Variants in ZNF541 observed in about 807,000 individuals in gnomAD.
ZNF541 encodes zinc finger protein 541.
In ZNF541, 23 loss-of-function variants were observed where a neutral mutation model predicts 123.5. The observed-to-expected ratio is 0.19, with a 90% CI of 0.13 to 0.26. The LOEUF is 0.26. Among genes scored for constraint, ZNF541 ranks in the 10% least tolerant of loss-of-function variants. The pLI, the probability that ZNF541 is intolerant of heterozygous loss-of-function variation, is 1.00. For synonymous variants in ZNF541, 751 were observed against 754.5 expected, an observed-to-expected ratio of 1.00 and a Z score of 0.08; for missense variants, 1,612 against 1,789.9, an observed-to-expected ratio of 0.90 and a Z score of 1.79.
chr19:47,545,452 C>T lies in ZNF541; in HGVS notation c.1077G>A (p.Glu359=). 2 of 1,475,078 alleles carry T rather than the reference C, an allele frequency of 1.4e-6. No homozygotes were observed. Among genetic ancestry groups the T allele is most frequent in the Non-Finnish European group, 1.8e-6 (2 of 1,110,734 alleles). The allele number at this position is 1,475,078 out of a possible 1,614,324, so 91.4% of individuals were successfully genotyped here. The stretch of plus-strand genomic sequence containing the variant: ...GCTCTGGCGGGTCGGGGGCGCCGTT[C>T]TCGGCGGCCCTGGAATTAGGGGCTG... ...VFTAPNSRAA[E]NGAPDPPEPE... The change falls in exon 5 of 17, where the codon GAG becomes GAA. Residue 359 remains glutamate, a synonymous_variant. Coordinates refer to ENST00000391901, the MANE Select transcript of ZNF541 (RefSeq NM_001277075.3). This position sits in a 1 kb window ranked among gnomAD's most constrained non-coding sequence, Gnocchi z 7.5.
intron 2 of ZNF541, among the ~76,000 whole-genome samples, chr19:47,570,394 T>C (rs1394350750): frequency 6.6e-6 from 1 of 151,322 alleles, no homozygotes; most frequent in Non-Finnish European, 1.5e-5. Context: ...CTTGCCAACA[T>C]GGTGAAAACC....
chr19:47,527,998 C>T (rs1009558645), intron 14 of ZNF541, among the ~76,000 whole-genome samples: 72 of 145,106 alleles, frequency 5.0e-4, no homozygotes, highest in Non-Finnish European at 9.1e-5. Flanking sequence ...CACGCCAGGC[C>T]CTTTTTTTTT....
intron 3 of ZNF541, among the ~76,000 whole-genome samples, chr19:47,554,523 T>G (rs1318925358): frequency 6.6e-6 from 1 of 152,222 alleles, no homozygotes; most frequent in Admixed American, 6.5e-5. Context: ...TTCCTTCTTT[T>G]GTTTTACTCT....
chr19:47,540,957 G>C lies in ZNF541; in HGVS notation c.2404-6C>G. The C allele has an allele frequency of 6.4e-7, 1 of 1,550,408 alleles. No individual in the cohort carries two copies. Among genetic ancestry groups the C allele is most frequent in the Non-Finnish European group, 8.7e-7 (1 of 1,146,562 alleles). The stretch of plus-strand genomic sequence containing the variant: ...AGCCTGTAGATGTTTCCACCCTGAA[G>C]ATGAAAATGCATCTGAACCAACACA... On this transcript the variant is annotated splice_polypyrimidine_tract_variant and splice_region_variant and intron_variant, in intron 5 of 16. Coordinates refer to ENST00000391901, the MANE Select transcript of ZNF541 (RefSeq NM_001277075.3).
chr19:47,528,409 C>T (rs555127006), intron 14 of ZNF541, among the ~76,000 whole-genome samples: 4 of 151,182 alleles, frequency 2.6e-5, no homozygotes, highest in South Asian at 2.1e-4. Flanking sequence ...CTCTGCCTCC[C>T]GGGTTCAAAC....
chr19:47,563,382 G>C (rs1307110036), intron 2 of ZNF541, among the ~76,000 whole-genome samples: 1 of 152,072 alleles, frequency 6.6e-6, no homozygotes, highest in Non-Finnish European at 1.5e-5. Flanking sequence ...CAACATGTAG[G>C]GTCAGGTTTG....
chr19:47,562,401 G>A (rs1971101417), intron 2 of ZNF541, among the ~76,000 whole-genome samples: 1 of 151,764 alleles, frequency 6.6e-6, no homozygotes, highest in African/African-American at 2.4e-5. Context: ...AAAATTAGCT[G>A]GGCGTGGTGG....
Position 47,531,741 on chromosome 19 carries a change from G to C in ZNF541, c.3306C>G (p.Thr1102=). The C allele has an allele frequency of 6.5e-7, 1 of 1,542,490 alleles. No individual in the cohort carries two copies. The highest frequency in any genetic ancestry group is 8.8e-7 in the Non-Finnish European group (1 of 1,140,030). ...MISSETQDRV[T]ELCNVACSSV... ...TGGAGCATGCCACATTGCAGAGCTC[G>C]GTCACTGTTTCCAAGAAGGACATGA... The change falls in exon 12 of 17, where the codon ACC becomes ACG. Residue 1102 remains threonine (T), a synonymous_variant. Coordinates refer to ENST00000391901, the MANE Select transcript of ZNF541 (RefSeq NM_001277075.3).
At chr19:47,547,675 A>T (rs1970412830) in intron 4 of ZNF541, among the ~76,000 whole-genome samples, 1 of 152,140 alleles carries the variant, frequency 6.6e-6, no homozygotes, top group South Asian at 2.1e-4. Flanking sequence ...GCCCCTTGTG[A>T]AAGGGAGGAG....
rs1337481441 is a variant in ZNF541, at chr19:47,544,664, C to G, written c.1865G>C (p.Gly622Ala). ...HAGPGNPEAE[G>A]SPARRRKTTP... Reference sequence around the variant, plus strand: ...GGTTTTTCTCCTGCGGGCTGGGGAGCCCTCTGCCTCGGGGTTTCCAGGGCC... The same window carrying G: ...GGTTTTTCTCCTGCGGGCTGGGGAGGCCTCTGCCTCGGGGTTTCCAGGGCC... The change falls in exon 5 of 17, where the codon GGC becomes GCC. Residue 622 changes from glycine (G) to alanine (A), a missense_variant. Gly to Ala is a moderately conservative substitution (Grantham distance 60). Around this residue, in one of 5 missense-constraint regions of ZNF541, gnomAD observed 1,080 missense variants for 1,013.8 expected, o/e 1.07. Coordinates refer to ENST00000391901, the MANE Select transcript of ZNF541 (RefSeq NM_001277075.3). 6.5e-7 allele frequency: 1 copy of G among 1,538,092 alleles called. No homozygotes were observed. The highest frequency in any genetic ancestry group is 2.0e-5 in the Admixed American group (1 of 50,366).
intron 2 of ZNF541, among the ~76,000 whole-genome samples, chr19:47,560,839 T>C (rs1051955599): frequency 2.0e-5 from 3 of 151,808 alleles, no homozygotes; most frequent in Admixed American, 1.3e-4. Flanking sequence ...GGTGAATGGA[T>C]CAACAAACTG....
intron 9 of ZNF541, 55 bp from the exon 10 acceptor site, chr19:47,533,027 G>A: frequency 6.6e-7 from 1 of 1,508,584 alleles, no homozygotes; most frequent in Non-Finnish European, 9.0e-7. Flanking sequence ...TAACCGACAG[G>A]GTCCTCTGCC....
rs1256271322 is a variant in ZNF541, at chr19:47,532,340, G to A, written c.3159-70C>T. ...CTGAGATGGGAAGTGAAATGGAGACGCTCTGTATGCCCTGCTCTTGGGCCA... is the reference window on the plus strand; with the variant it reads ...CTGAGATGGGAAGTGAAATGGAGACACTCTGTATGCCCTGCTCTTGGGCCA... On this transcript the variant is annotated intron_variant, in intron 10 of 16. Transcript: ENST00000391901. 3.4e-5 allele frequency: 52 copies of A among 1,510,234 alleles called. No homozygotes were observed. In the East Asian group the frequency reaches 3.7e-4, roughly 11 times the overall value. The allele number at this position is 1,510,234 out of a possible 1,614,324, so 93.6% of individuals were successfully genotyped here.
intron 2 of ZNF541, among the ~76,000 whole-genome samples, chr19:47,568,178 A>G (rs148355361): frequency 6.6e-6 from 1 of 151,594 alleles, no homozygotes; most frequent in East Asian, 1.9e-4. Context: ...AGCTCCAACC[A>G]CTGTTCTGCC....
chr19:47,563,954 A>C (rs551558969), intron 2 of ZNF541, among the ~76,000 whole-genome samples: 11 of 152,312 alleles, frequency 7.2e-5, no homozygotes, highest in African/African-American at 2.4e-4. Context: ...TATCATACCA[A>C]GTGCTTTATA....
chr19:47,554,831 C>T (rs573252084), intron 3 of ZNF541, among the ~76,000 whole-genome samples: 4 of 152,238 alleles, frequency 2.6e-5, no homozygotes, highest in East Asian at 3.9e-4. Context: ...TGGTGGCTCA[C>T]GCCTGCAATC....
intron 6 of ZNF541, 110 bp from the exon 7 acceptor site, chr19:47,540,445 T>TC (rs2123077343): frequency 8.7e-7 from 1 of 1,152,356 alleles, no homozygotes; most frequent in Non-Finnish European, 1.2e-6. Flanking sequence ...CCACTGACTT[T>TC]TTTTTTTTTT....
In ZNF541 at chr19:47,556,559, C is replaced by T. The variant is rs570594502; in HGVS notation, c.-98-605G>A. Among the ~76,000 whole-genome samples the T allele has an allele frequency of 4.3e-3, 656 of 152,120 alleles. 7 individuals are homozygous for T. The highest frequency in any genetic ancestry group is 0.024 in the South Asian group (115 of 4,818). ...TCCTGGGCTCAAGCGATCCTCCCAC[C>T]TTGGCTTCCCAAAGTGCTGGGATTA... On this transcript the variant is annotated intron_variant, in intron 2 of 16. Transcript: ENST00000391901.
At chr19:47,537,986 T>C (rs1239258399) in intron 9 of ZNF541, among the ~76,000 whole-genome samples, 156 bp downstream of exon 9, 1 of 152,176 alleles carries the variant, frequency 6.6e-6, no homozygotes, top group African/African-American at 2.4e-5. Flanking sequence ...GGCACTTAGA[T>C]CAGTCCTGGG....
Sources: allele counts gnomAD v4.1 joint callset (sites outside exome capture counted in the v4.1 genomes callset), GRCh38; gene constraint gnomAD v4.1.1; regional missense constraint gnomAD v4.1.1; non-coding constraint Gnocchi (gnomAD v3.1); transcripts MANE v1.5; gene names NCBI Gene and HGNC (gene_info 2026-07-23, HGNC 2026-07-21).